The following MYO3B variants were observed in gnomAD, a reference collection of about 807,000 sequenced individuals.
MYO3B encodes the protein myosin IIIB, also known as myosin-IIIb.
In MYO3B, 156 loss-of-function variants were observed where a neutral mutation model predicts 174.6. The ratio of observed to expected loss-of-function variants is 0.89; its 90% CI spans 0.78 to 1.02. The LOEUF is 1.02. Ranked by LOEUF, MYO3B falls within the 50% of genes least tolerant of loss-of-function variation. The pLI is 0.00. For missense variants in MYO3B, 1,632 were observed against 1,639.4 expected, an observed-to-expected ratio of 1.00 and a Z score of 0.08; for synonymous variants, 563 against 569.1, an observed-to-expected ratio of 0.99 and a Z score of 0.15.
chr2:170,506,439 T>G (rs1405988708), intron 28 of MYO3B, among the ~76,000 whole-genome samples: 3 of 152,240 alleles, frequency 2.0e-5, no homozygotes, highest in African/African-American at 7.2e-5. Flanking sequence ...GCTATTTGCC[T>G]ACGTGTGCAG....
At chr2:170,321,395 C>T (rs991466546) in intron 7 of MYO3B, among the ~76,000 whole-genome samples, 3 of 151,774 alleles carry the variant, frequency 2.0e-5, no homozygotes, top group African/African-American at 7.3e-5. Context: ...TAAAATAGAT[C>T]GTTTATTAAC....
chr2:170,544,419 C>T (rs1575142906), intron 32 of MYO3B, among the ~76,000 whole-genome samples: 1 of 152,212 alleles, frequency 6.6e-6, no homozygotes, highest in Admixed American at 6.5e-5. Flanking sequence ...TGGGACACAA[C>T]TCTTTCTGGC....
At chr2:170,548,051 G>A (rs553419801) in intron 32 of MYO3B, among the ~76,000 whole-genome samples, 1 of 142,406 alleles carries the variant, frequency 7.0e-6, no homozygotes, top group East Asian at 2.2e-4. Flanking sequence ...TGCTTGCAGT[G>A]AGCCAAGATC....
At chr2:170,484,149 T>C (rs961160026) in intron 25 of MYO3B, among the ~76,000 whole-genome samples, 2 of 152,228 alleles carry the variant, frequency 1.3e-5, no homozygotes, top group African/African-American at 2.4e-5. Flanking sequence ...GAGAACCTAC[T>C]GATGGTGGGC....
chr2:170,234,183 AAAAACAAAACAAAAC>A lies in MYO3B; in HGVS notation c.604-1803_604-1789del, dbSNP rs1292354742. Among the ~76,000 whole-genome samples, 77 of 91,598 alleles carry A rather than the reference AAAAACAAAACAAAAC, an allele frequency of 8.4e-4. 4 individuals carry two copies. The highest frequency in any genetic ancestry group is 9.6e-4 in the Non-Finnish European group (46 of 47,772). 60.1% of individuals were successfully genotyped at this position (91,598 alleles called of 152,430 possible). ...GAGACTCCGTCTCAAAAAAAAAAAA[AAAAACAAAACAAAAC>A]AAAAAAAAAACACCTGTTTCTTAGT... On this transcript the variant is annotated intron_variant, in intron 6 of 34. Transcript: ENST00000408978.
intron 32 of MYO3B, among the ~76,000 whole-genome samples, chr2:170,627,554 C>T (rs2105363369): frequency 6.6e-6 from 1 of 152,348 alleles, no homozygotes; most frequent in South Asian, 2.1e-4. Flanking sequence ...CTCAATTCGT[C>T]AAAGTCATTC....
intron 32 of MYO3B, among the ~76,000 whole-genome samples, chr2:170,614,974 T>C (rs1406288068): frequency 6.6e-6 from 1 of 152,182 alleles, no homozygotes; most frequent in Non-Finnish European, 1.5e-5. Context: ...AACACAGTCT[T>C]GAAACTGATG....
chr2:170,214,861 T>C, intron 5 of MYO3B, 33 bp downstream of exon 5: 1 of 1,506,644 alleles, frequency 6.6e-7, no homozygotes, highest in Non-Finnish European at 9.2e-7. Flanking sequence ...TTTCTTGACG[T>C]GTGCAGTTTA....
At chr2:170,546,696 G>T (rs902723265) in intron 32 of MYO3B, among the ~76,000 whole-genome samples, 2 of 152,202 alleles carry the variant, frequency 1.3e-5, no homozygotes, top group African/African-American at 4.8e-5. Flanking sequence ...GTAGAAACAA[G>T]AATATATTAT....
chr2:170,542,826 TGAA>T (rs1316280089), intron 30 of MYO3B, 77 bp from the exon 31 acceptor site: 2 of 1,105,598 alleles, frequency 1.8e-6, no homozygotes, highest in African/African-American at 3.2e-5. Context: ...GATATATCTT[TGAA>T]GAAAAACAGT....
intron 7 of MYO3B, among the ~76,000 whole-genome samples, chr2:170,263,662 T>G (rs941481865): frequency 6.6e-6 from 1 of 152,166 alleles, no homozygotes; most frequent in Non-Finnish European, 1.5e-5. Flanking sequence ...ATGTCTCACC[T>G]CCAGCCTTAA....
intron 32 of MYO3B, among the ~76,000 whole-genome samples, chr2:170,624,006 T>G (rs1183811967): frequency 2.0e-5 from 3 of 152,232 alleles, no homozygotes; most frequent in Non-Finnish European, 2.9e-5. Flanking sequence ...TCAGGTAGTG[T>G]GATGCCTCCA....
At chr2:170,212,554 C>T (rs1435073333) in intron 3 of MYO3B, among the ~76,000 whole-genome samples, 3 of 152,096 alleles carry the variant, frequency 2.0e-5, no homozygotes, top group Admixed American at 1.3e-4. Flanking sequence ...TCCACCAAAA[C>T]GGGGTTTTTG....
At chr2:170,363,850 T>C (rs1202346315) in intron 8 of MYO3B, among the ~76,000 whole-genome samples, 1 of 152,224 alleles carries the variant, frequency 6.6e-6, no homozygotes, top group African/African-American at 2.4e-5. Flanking sequence ...TCTGTTGTTT[T>C]GTCTGTTAGC....
intron 32 of MYO3B, among the ~76,000 whole-genome samples, chr2:170,606,873 A>G (rs924065639): frequency 1.3e-5 from 2 of 152,168 alleles, no homozygotes; most frequent in African/African-American, 4.8e-5. Context: ...ATACAAAATT[A>G]GCCAGGCGTG....
intron 7 of MYO3B, chr2:170,332,185 A>C (rs1469735080): frequency 1.3e-5 from 2 of 152,186 alleles, no homozygotes; most frequent in Non-Finnish European, 2.9e-5. Context: ...TGCAGCCTTA[A>C]GAAAGGAAGA....
In MYO3B at chr2:170,479,967, G is replaced by A. The variant is rs1040052450; in HGVS notation, c.3014+13256G>A. ...TATAAAACCATATATGTGTATATATGTATATGTATATATATTAAACCTATA... is the reference window on the plus strand; with the variant it reads ...TATAAAACCATATATGTGTATATATATATATGTATATATATTAAACCTATA... On this transcript the variant is annotated intron_variant, in intron 25 of 34. Coordinates refer to ENST00000408978, the MANE Select transcript of MYO3B (RefSeq NM_138995.5). Among the ~76,000 whole-genome samples, 7 of 147,014 alleles carry A rather than the reference G, an allele frequency of 4.8e-5. No individual in the cohort carries two copies. In the East Asian group the frequency reaches 1.4e-3, roughly 29 times the overall value.
intron 32 of MYO3B, among the ~76,000 whole-genome samples, chr2:170,608,690 A>G (rs757355083): frequency 9.2e-5 from 14 of 152,130 alleles, no homozygotes; most frequent in Non-Finnish European, 1.6e-4. Context: ...AGAGACAGAC[A>G]GACAGACAGA....
At chr2:170,549,086 A>G (rs535660180) in intron 32 of MYO3B, among the ~76,000 whole-genome samples, 99 of 152,350 alleles carry the variant, frequency 6.5e-4, no homozygotes, top group Non-Finnish European at 1.3e-3. Context: ...TTATGTATGT[A>G]GTACCTATAT....
Sources: allele counts gnomAD v4.1 joint callset (sites outside exome capture counted in the v4.1 genomes callset), GRCh38; gene constraint gnomAD v4.1.1; transcripts MANE v1.5; gene names NCBI Gene and HGNC (gene_info 2026-07-23, HGNC 2026-07-21).